The following BEGAIN variants were observed in gnomAD, a reference collection of about 807,000 sequenced individuals.
BEGAIN encodes brain-enriched guanylate kinase-associated protein.
BEGAIN carries 19 observed loss-of-function variants against 35.8 expected under a neutral mutation model. That is an observed-to-expected ratio of 0.53 (90% CI 0.37 to 0.78). BEGAIN has a LOEUF of 0.78. BEGAIN is among the 30% of genes least tolerant of loss of function. The pLI, the probability that BEGAIN is intolerant of heterozygous loss-of-function variation, is 0.00. For synonymous variants in BEGAIN, 462 were observed against 388.6 expected (o/e 1.19, Z -2.22); for missense variants, 795 against 853.6 (o/e 0.93, Z 0.85).
intron 1 of BEGAIN, among the ~76,000 whole-genome samples, chr14:100,581,350 T>G (rs2035311222): frequency 6.6e-6 from 1 of 152,196 alleles, no homozygotes; most frequent in South Asian, 2.1e-4. Context: ...AACAACCTGC[T>G]GGCTCTCAGG....
intron 1 of BEGAIN, among the ~76,000 whole-genome samples, chr14:100,583,692 C>CTTTTTTTTTTTTTTTTTTTTTTTTTTTTT (rs56090356): frequency 9.2e-6 from 1 of 108,980 alleles, no homozygotes; most frequent in African/African-American, 3.5e-5. Flanking sequence ...GTTTTTCTTC[C>CTTTTTTTTTTTTTTTTTTTTTTTTTTTTT]TTTTTTTTTT....
Position 100,584,747 on chromosome 14 carries a change from A to G in BEGAIN, c.42+2502T>C, listed in dbSNP as rs575202951. On this transcript the variant is annotated intron_variant, in intron 1 of 6. Transcript: ENST00000554140. ...TGATACGGAGCCCTAGAGAGGAGACAGTGAGTCAGCGGCAGAGGAGGAACC... is the reference window on the plus strand; with the variant it reads ...TGATACGGAGCCCTAGAGAGGAGACGGTGAGTCAGCGGCAGAGGAGGAACC... Among the ~76,000 whole-genome samples, 3 of 152,204 alleles carry G rather than the reference A, an allele frequency of 2.0e-5. No homozygotes were observed. In the South Asian group the frequency reaches 6.2e-4, roughly 31 times the overall value.
intron 1 of BEGAIN, among the ~76,000 whole-genome samples, chr14:100,570,427 C>G (rs1181674547): frequency 6.6e-6 from 1 of 152,232 alleles, no homozygotes; most frequent in Non-Finnish European, 1.5e-5. Flanking sequence ...TGCTGTAGCT[C>G]AAATCCTCCT....
In BEGAIN at chr14:100,571,756, G is replaced by A. The variant is rs543532879; in HGVS notation, c.43-3817C>T. On this transcript the variant is annotated intron_variant, in intron 1 of 6. Transcript: ENST00000554140. ...CCCCCATGCCCAGCAGCCTCCCCTC[G>A]CTAGGCACACACTGGCCACACTGGC... 3.9e-5 allele frequency among the ~76,000 whole-genome samples: 6 copies of A among 152,224 alleles called. No homozygotes were observed. In the East Asian group the frequency reaches 1.2e-3, roughly 29 times the overall value.
chr14:100,546,327 GGGCCCTGCCCCA>G, intron 3 of BEGAIN, 162 bp downstream of exon 3: 1 of 508,280 alleles, frequency 2.0e-6, no homozygotes, highest in Non-Finnish European at 2.8e-6. Flanking sequence ...TCCGGGCCTC[GGGCCCTGCCCCA>G]CCCCGGCCCT....
At chr14:100,540,260 C>T (rs984538210) in intron 6 of BEGAIN, 14 of 544,616 alleles carry the variant, frequency 2.6e-5, no homozygotes, top group South Asian at 1.8e-4. Context: ...AACCAGCAGC[C>T]GGGGTGGGCC....
intron 1 of BEGAIN, chr14:100,577,440 A>T: frequency 2.5e-6 from 1 of 399,514 alleles, no homozygotes; most frequent in Non-Finnish European, 4.4e-6. Flanking sequence ...CCTCCGAAGA[A>T]AGCTGGGAGC....
chr14:100,583,879 T>C (rs1253711487), intron 1 of BEGAIN, among the ~76,000 whole-genome samples: 1 of 152,054 alleles, frequency 6.6e-6, no homozygotes, highest in Non-Finnish European at 1.5e-5. Context: ...TTTGTATTTT[T>C]ATAGAGACGG....
chr14:100,545,021 C>T lies in BEGAIN; in HGVS notation c.279G>A (p.Leu93=), dbSNP rs377175303. 89 of 1,612,920 alleles carry T rather than the reference C, an allele frequency of 5.5e-5. No homozygotes were observed. Among genetic ancestry groups the T allele is most frequent in the Admixed American group, 1.2e-4 (7 of 60,010 alleles). The part of the protein sequence containing the change: ...YMALQRINQE[L]EDKLYRMGQH... ...TCACCATGCGGTACAGCTTGTCCTC[C>T]AGCTCCTGGTTGATCCTCTGCAGTG... The change falls in exon 4 of 7, where the codon CTG becomes CTA. Residue 93 remains leucine, a synonymous_variant. Coordinates refer to ENST00000554140, the MANE Select transcript of BEGAIN (RefSeq NM_001385089.1).
chr14:100,540,421 C>T (rs1238251411), intron 6 of BEGAIN, 75 bp downstream of exon 6: 4 of 1,158,364 alleles, frequency 3.5e-6, no homozygotes, highest in Non-Finnish European at 5.0e-6. Flanking sequence ...TGGGAAATGG[C>T]TTTGGGGTAG....
rs957246778 is a variant in BEGAIN at position 100,567,850 on chromosome 14, C to T, written c.71+61G>A. On this transcript the variant is annotated intron_variant, in intron 2 of 6. Transcript: ENST00000554140. This position sits in a 1 kb window ranked among gnomAD's most constrained non-coding sequence, Gnocchi z 5.1. ...GTGGAGCCCCCTTCCCCCGCCTTCC[C>T]CAGCGCCCTCACCCCCGACCCGGCC... 182 of 1,441,888 alleles carry T rather than the reference C, an allele frequency of 1.3e-4. No homozygotes were observed. The highest frequency in any genetic ancestry group is 1.6e-4 in the Non-Finnish European group (173 of 1,084,862). The allele number at this position is 1,441,888 out of a possible 1,614,324, so 89.3% of individuals were successfully genotyped here.
chr14:100,540,524 G>T lies in BEGAIN; in HGVS notation c.464C>A (p.Thr155Asn). ...LAAQLLQCSQTYGRVHKVSEL... is the reference protein window; with the variant it reads ...LAAQLLQCSQNYGRVHKVSEL... ...AGACACCTTGTGGACCCTGCCGTAG[G>T]TCTGGCTGCACTGCAGCAGCTGGGC... The change falls in exon 6 of 7, where the codon ACC becomes AAC. Residue 155 changes from threonine (T) to asparagine (N), a missense_variant. Coordinates refer to ENST00000554140, the MANE Select transcript of BEGAIN (RefSeq NM_001385089.1). The T allele has an allele frequency of 1.9e-6, 3 of 1,606,708 alleles. No homozygotes were observed. Among genetic ancestry groups the T allele is most frequent in the Non-Finnish European group, 2.5e-6 (3 of 1,176,868 alleles).
In BEGAIN at chr14:100,563,131, C is replaced by T. The variant is rs1158634517; in HGVS notation, c.71+4780G>A. On this transcript the variant is annotated intron_variant, in intron 2 of 6. Transcript: ENST00000554140. The surrounding 1 kb of genome is among the most constrained non-coding windows in gnomAD (Gnocchi z 4.2). ...CTGGGACATCAGCCTGGCACTTCTG[C>T]AGAGTGTCTCAGCCTGGACAAGTGT... Among the ~76,000 whole-genome samples, 2 of 152,228 alleles carry T rather than the reference C, an allele frequency of 1.3e-5. No individual in the cohort carries two copies. The highest frequency in any genetic ancestry group is 4.8e-5 in the African/African-American group (2 of 41,456).
At chr14:100,559,274 C>T (rs1006947835) in intron 2 of BEGAIN, among the ~76,000 whole-genome samples, 20 of 152,110 alleles carry the variant, frequency 1.3e-4, no homozygotes, top group Admixed American at 3.9e-4. Flanking sequence ...CACCACTGAT[C>T]GCTACTCCCT....
At chr14:100,557,967 C>T (rs1327654616) in intron 2 of BEGAIN, among the ~76,000 whole-genome samples, 2 of 152,186 alleles carry the variant, frequency 1.3e-5, no homozygotes, top group East Asian at 1.9e-4. Context: ...TGCCGCCCAC[C>T]GTTACTTACA....
In BEGAIN at chr14:100,537,841, G is replaced by T; in HGVS notation, c.*128C>A. On this transcript the variant is annotated 3_prime_UTR_variant, in exon 7 of 7. Coordinates refer to ENST00000554140, the MANE Select transcript of BEGAIN (RefSeq NM_001385089.1). ...GGGCTGGGGAGGAGAGGAGGTGCGG[G>T]GAGGAACAGACTCCTCGTTGTTGGC... 1 of 1,357,434 alleles carries T rather than the reference G, an allele frequency of 7.4e-7. No homozygotes were observed. Among genetic ancestry groups the T allele is most frequent in the Non-Finnish European group, 9.7e-7 (1 of 1,030,342 alleles). 84.1% of individuals were successfully genotyped at this position (1,357,434 alleles called of 1,614,324 possible). A position where few individuals can be genotyped will look rare whatever the true frequency, so the allele number is the denominator to read the frequency against.
intron 5 of BEGAIN, among the ~76,000 whole-genome samples, chr14:100,543,478 G>A (rs1348202307): frequency 2.0e-5 from 3 of 152,198 alleles, no homozygotes; most frequent in Admixed American, 1.3e-4. Flanking sequence ...ACACGGCTGT[G>A]ATGCAACACT....
chr14:100,568,237 C>A lies in BEGAIN; in HGVS notation c.43-298G>T, dbSNP rs1309655862. 4 of 644,504 alleles carry A rather than the reference C, an allele frequency of 6.2e-6. No individual in the cohort carries two copies. Among genetic ancestry groups the A allele is most frequent in the African/African-American group, 6.1e-5 (3 of 49,184 alleles). The allele number at this position is 644,504 out of a possible 1,614,324, so 39.9% of individuals were successfully genotyped here. On this transcript the variant is annotated intron_variant, in intron 1 of 6. Transcript: ENST00000554140. This position sits in a 1 kb window ranked among gnomAD's most constrained non-coding sequence, Gnocchi z 7.5. The stretch of plus-strand genomic sequence containing the variant: ...CCGGGATGGCCCGGCCAGGGGCGAT[C>A]TCGGCCTCGCCCGGAGGAGGGGGAC...
chr14:100,562,679 C>A (rs2034365448), intron 2 of BEGAIN, among the ~76,000 whole-genome samples: 1 of 152,084 alleles, frequency 6.6e-6, no homozygotes, highest in Non-Finnish European at 1.5e-5. Flanking sequence ...CACCGGTACA[C>A]CTGCTGCTCC....
Sources: allele counts gnomAD v4.1 joint callset (sites outside exome capture counted in the v4.1 genomes callset), GRCh38; gene constraint gnomAD v4.1.1; non-coding constraint Gnocchi (gnomAD v3.1); transcripts MANE v1.5; gene names NCBI Gene and HGNC (gene_info 2026-07-23, HGNC 2026-07-21).